The following RTN4R variants were observed in gnomAD, a reference collection of about 807,000 sequenced individuals.
The protein encoded by RTN4R is reticulon-4 receptor.
RTN4R carries 4 observed loss-of-function variants against 27.7 expected under a neutral mutation model. That is an observed-to-expected ratio of 0.14 (90% confidence interval 0.07 to 0.33). The LOEUF (loss-of-function observed/expected upper bound fraction) is 0.33. RTN4R is among the 10% of genes least tolerant of loss of function. RTN4R has a pLI of 1.00. For missense variants in RTN4R, 554 were observed against 671.5 expected (o/e 0.83, Z 1.93); for synonymous variants, 290 against 305.6 (o/e 0.95, Z 0.53).
chr22:20,242,941 C>A lies in RTN4R; in HGVS notation c.192G>T (p.Leu64=), dbSNP rs201380966. Residue 64 remains leucine (L), a synonymous_variant, in exon 2 of 2, where the codon CTG becomes CTT. Transcript: ENST00000043402. The part of the protein sequence containing the change: ...GIPAASQRIF[L]HGNRISHVPA... ...GCACATGCGAGATGCGGTTGCCGTG[C>A]AGGAAGATGCGCTGGCTGGCAGCAG... The A allele has an allele frequency of 1.9e-6, 3 of 1,612,164 alleles. No homozygotes were observed. In the African/African-American group the frequency reaches 4.0e-5, roughly 21 times the overall value.
chr22:20,241,795 G>A lies in RTN4R; in HGVS notation c.1338C>T (p.Gly446=). 1 of 1,566,004 alleles carries A rather than the reference G, an allele frequency of 6.4e-7. No individual in the cohort carries two copies. Among genetic ancestry groups the A allele is most frequent in the Non-Finnish European group, 8.7e-7 (1 of 1,155,978 alleles). Residue 446 remains glycine, a synonymous_variant, in exon 2 of 2, where the codon GGC becomes GGT. Transcript: ENST00000043402. The stretch of plus-strand genomic sequence containing the variant: ...AGGTGAGGCTGGGTAGGGCACCTGA[G>A]CCTTCTGAGTCACCAGTCCCGCCAC... ...SGGGGTGDSE[G]SGALPSLTCS...
rs192019181 is a variant in RTN4R, at chr22:20,244,350, G to C, written c.23-1240C>G. On this transcript the variant is annotated intron_variant, in intron 1 of 1. Coordinates refer to ENST00000043402, the MANE Select transcript of RTN4R (RefSeq NM_023004.6). ...CCCACATGGGGCCCCTGCCCCACTG[G>C]GTCCTCTCTACTTGGGCAGACAGTG... Among the ~76,000 whole-genome samples, 179 of 152,316 alleles carry C rather than the reference G, an allele frequency of 1.2e-3. 3 individuals are homozygous for C. Among genetic ancestry groups the C allele is most frequent in the African/African-American group, 4.2e-3 (173 of 41,584 alleles).
intron 1 of RTN4R, among the ~76,000 whole-genome samples, chr22:20,253,900 G>C (rs1270687373): frequency 6.6e-6 from 1 of 151,890 alleles, no homozygotes; most frequent in Non-Finnish European, 1.5e-5. Flanking sequence ...CTTCCAGAAA[G>C]AAAAACAAAG....
chr22:20,251,171 C>G (rs2051174723), intron 1 of RTN4R, among the ~76,000 whole-genome samples: 1 of 152,180 alleles, frequency 6.6e-6, no homozygotes, highest in Non-Finnish European at 1.5e-5. Context: ...GACCCATTAA[C>G]ATCAAGCTGC....
At chr22:20,267,948 C>T in intron 1 of RTN4R, 123 bp downstream of exon 1, 3 of 513,360 alleles carry the variant, frequency 5.8e-6, no homozygotes, top group Non-Finnish European at 8.3e-6. Context: ...CTTTCCCTGC[C>T]GCCCGGCTAC....
chr22:20,250,454 TG>T (rs1184451583), intron 1 of RTN4R, among the ~76,000 whole-genome samples: 1 of 152,202 alleles, frequency 6.6e-6, no homozygotes, highest in Non-Finnish European at 1.5e-5. Flanking sequence ...AAGCCGAGTG[TG>T]GGTGCTGCCA....
intron 1 of RTN4R, 66 bp downstream of exon 1, chr22:20,268,005 A>G: frequency 3.1e-6 from 3 of 953,456 alleles, no homozygotes; most frequent in Admixed American, 4.9e-5. Flanking sequence ...GGCTCCGGGG[A>G]GGGGGCGAGC....
intron 1 of RTN4R, among the ~76,000 whole-genome samples, chr22:20,246,874 T>C (rs1602639916): frequency 6.6e-6 from 1 of 152,300 alleles, no homozygotes; most frequent in Middle Eastern, 3.4e-3. Flanking sequence ...TCACCTGCTA[T>C]AAAAAGTGAG....
Position 20,242,746 on chromosome 22 carries a change from C to T in RTN4R, c.387G>A (p.Leu129=), listed in dbSNP as rs1473535723. The T allele has an allele frequency of 1.2e-6, 2 of 1,612,566 alleles. No individual in the cohort carries two copies. Among genetic ancestry groups the T allele is most frequent in the Admixed American group, 1.7e-5 (1 of 59,990 alleles). Residue 129 remains leucine, a synonymous_variant, in exon 2 of 2, where the codon CTG becomes CTA. Transcript: ENST00000043402. ...CCAGGTGCAGCGTGTGTAGGCGGCC[C>T]AGGCCGTGGAATGTGGCAGGGTCCA... ...RSVDPATFHG[L]GRLHTLHLDR...
chr22:20,260,650 C>T (rs73879307), intron 1 of RTN4R, among the ~76,000 whole-genome samples: 2,356 of 152,270 alleles, frequency 0.015, 60 homozygotes, highest in African/African-American at 0.054. Context: ...GCAGGTGGCC[C>T]ACCCTCCCAA....
At chr22:20,256,373 C>T (rs946364977) in intron 1 of RTN4R, among the ~76,000 whole-genome samples, 2 of 152,228 alleles carry the variant, frequency 1.3e-5, no homozygotes, top group African/African-American at 4.8e-5. Context: ...GGCAGCCTGA[C>T]CTTTCATCCC....
intron 1 of RTN4R, among the ~76,000 whole-genome samples, chr22:20,265,261 C>T (rs577503141): frequency 5.3e-5 from 8 of 152,324 alleles, no homozygotes; most frequent in Admixed American, 2.6e-4. Flanking sequence ...CGGTCCCACA[C>T]ACCCTGGCCC....
chr22:20,262,327 C>T (rs1361662821), intron 1 of RTN4R, among the ~76,000 whole-genome samples: 1 of 152,092 alleles, frequency 6.6e-6, no homozygotes, highest in Admixed American at 6.5e-5. Flanking sequence ...GTGCACAGGC[C>T]GGGCACACGG....
intron 1 of RTN4R, among the ~76,000 whole-genome samples, chr22:20,252,879 T>A (rs1189222414): frequency 6.6e-6 from 1 of 151,840 alleles, no homozygotes; most frequent in Non-Finnish European, 1.5e-5. Flanking sequence ...ACCAGTGATG[T>A]GAGGACAATG....
chr22:20,253,408 C>T (rs1262851447), intron 1 of RTN4R, among the ~76,000 whole-genome samples: 1 of 152,180 alleles, frequency 6.6e-6, no homozygotes, highest in Non-Finnish European at 1.5e-5. Flanking sequence ...ATGAAAGACA[C>T]GTGTTCCTCC....
intron 1 of RTN4R, among the ~76,000 whole-genome samples, chr22:20,261,639 C>T (rs546550630): frequency 9.8e-5 from 15 of 152,326 alleles, no homozygotes; most frequent in Non-Finnish European, 1.8e-4. Context: ...TGGGGTCTCC[C>T]GGAGCTGACC....
chr22:20,266,094 A>G (rs2145987608), intron 1 of RTN4R, among the ~76,000 whole-genome samples: 1 of 152,298 alleles, frequency 6.6e-6, no homozygotes, highest in Non-Finnish European at 1.5e-5. Flanking sequence ...ATGGGAGCTC[A>G]CTTCCTCCTC....
At chr22:20,248,610 G>A (rs1403476216) in intron 1 of RTN4R, among the ~76,000 whole-genome samples, 3 of 152,226 alleles carry the variant, frequency 2.0e-5, no homozygotes, top group African/African-American at 7.2e-5. Flanking sequence ...GCTGTGCTGA[G>A]TGCCGCCCAT....
chr22:20,243,837 A>T (rs1477760214), intron 1 of RTN4R, among the ~76,000 whole-genome samples: 1 of 151,572 alleles, frequency 6.6e-6, no homozygotes, highest in Non-Finnish European at 1.5e-5. Context: ...TCCCACCCAG[A>T]CGCCATCAGC....
Sources: gnomAD v4.1 joint callset for allele counts (sites outside exome capture counted in the v4.1 genomes callset) on GRCh38, gnomAD v4.1.1 for gene constraint, MANE v1.5 for transcripts, NCBI Gene and HGNC (gene_info 2026-07-23, HGNC 2026-07-21) for gene names.